Variants in SMC6 observed in about 807,000 individuals in gnomAD.
The protein encoded by SMC6 is structural maintenance of chromosomes 6.
SMC6 carries 79 observed loss-of-function variants against 142.2 expected under a neutral mutation model. The ratio of observed to expected loss-of-function variants is 0.56; its 90% CI spans 0.46 to 0.67. The LOEUF (loss-of-function observed/expected upper bound fraction) is 0.67. Ranked by LOEUF, SMC6 falls within the 30% of genes least tolerant of loss-of-function variation. SMC6 has a pLI of 0.00. For synonymous variants in SMC6, 411 were observed against 412.4 expected (o/e 1.00, Z 0.04); for missense variants, 1,072 against 1,284.0 (o/e 0.83, Z 2.52).
At chr2:17,737,636 G>C (rs1181923314) in intron 5 of SMC6, among the ~76,000 whole-genome samples, 3 of 152,202 alleles carry the variant, frequency 2.0e-5, no homozygotes, top group African/African-American at 7.2e-5. Context: ...TAAAGCCAAA[G>C]AGAGTAGTGA....
chr2:17,733,496 T>A (rs1192582058), intron 5 of SMC6, among the ~76,000 whole-genome samples: 4 of 152,250 alleles, frequency 2.6e-5, no homozygotes, highest in African/African-American at 9.6e-5. Flanking sequence ...GATAAATGCA[T>A]CTTAGTTACG....
intron 2 of SMC6, among the ~76,000 whole-genome samples, chr2:17,749,285 TCTTTA>T (rs1320408779): frequency 6.6e-6 from 1 of 152,178 alleles, no homozygotes; most frequent in Non-Finnish European, 1.5e-5. Context: ...TTTTAATATT[TCTTTA>T]CTTATTTATA....
intron 21 of SMC6, among the ~76,000 whole-genome samples, chr2:17,698,457 C>T (rs1668116167): frequency 6.6e-6 from 1 of 151,864 alleles, no homozygotes; most frequent in African/African-American, 2.4e-5. Flanking sequence ...GTGGACTGAA[C>T]CTTTTGTCAT....
At chr2:17,737,539 A>G (rs201997559) in intron 5 of SMC6, among the ~76,000 whole-genome samples, 279 of 152,314 alleles carry the variant, frequency 1.8e-3, no homozygotes, top group African/African-American at 6.3e-3. Flanking sequence ...GCTAGTGGAC[A>G]AAAAGCAGTG....
Position 17,666,530 on chromosome 2 carries a change from G to C in SMC6, c.3064-13C>G, listed in dbSNP as rs758983359. 5.6e-6 allele frequency: 9 copies of C among 1,597,840 alleles called. No individual in the cohort carries two copies. In the South Asian group the frequency reaches 1.0e-4, roughly 18 times the overall value. ...TATTAACCATATCCTGAAAAACAAA[G>C]GCAAAAGTTAGGATTGCTATTGTGT... is the stretch of plus-strand genomic sequence containing the variant. On this transcript the variant is annotated splice_polypyrimidine_tract_variant and intron_variant, in intron 26 of 27. Coordinates refer to ENST00000448223, the MANE Select transcript of SMC6 (RefSeq NM_001142286.2).
chr2:17,670,799 C>T (rs1172097474), intron 25 of SMC6, among the ~76,000 whole-genome samples: 3 of 152,070 alleles, frequency 2.0e-5, no homozygotes, highest in Non-Finnish European at 4.4e-5. Context: ...AACTGAAAAC[C>T]TTTTTCACCA....
Position 17,668,993 on chromosome 2 carries a change from G to C in SMC6, c.3063+1430C>G, listed in dbSNP as rs994852810. On this transcript the variant is annotated intron_variant, in intron 26 of 27. Transcript: ENST00000448223. ...CGAAGAAGGAGCCACATGCAAGCCT[G>C]GGAGTCCGGAGAAGAGGCTATCACC... is the stretch of plus-strand genomic sequence containing the variant. Among the ~76,000 whole-genome samples the C allele has an allele frequency of 7.9e-4, 121 of 152,276 alleles. 1 individual carries two copies. Among genetic ancestry groups the C allele is most frequent in the Non-Finnish European group, 1.3e-4 (9 of 68,026 alleles).
At position 17,718,090 on chromosome 2, in the gene SMC6, T is replaced by C. The variant is rs773207688; in HGVS notation, c.1079A>G (p.Tyr360Cys). The change falls in exon 12 of 28, where the codon TAT becomes TGT. Residue 360 changes from tyrosine (Y) to cysteine (C), a missense_variant. By Grantham distance (194) the Tyr-to-Cys change is radical. This residue lies in a region of SMC6 where 994 missense variants were observed against 1,153.2 expected (regional missense o/e 0.86). Transcript: ENST00000448223. ...AATTTATCTCACCTCAGCTTCATTA[T>C]AGGCCCTTTTCTTAGCAACAACATC... ...KADVVAKKRAYNEAEVLYNRS... is the reference protein window; with the variant it reads ...KADVVAKKRACNEAEVLYNRS... 1.8e-5 allele frequency: 29 copies of C among 1,607,806 alleles called. No individual in the cohort carries two copies. Among genetic ancestry groups the C allele is most frequent in the African/African-American group, 2.7e-5 (2 of 74,750 alleles).
intron 3 of SMC6, 28 bp downstream of exon 3, chr2:17,745,799 A>C: frequency 6.4e-7 from 1 of 1,567,462 alleles, no homozygotes; most frequent in Non-Finnish European, 8.6e-7. Flanking sequence ...ACATATCAAA[A>C]AGCATAATTT....
intron 25 of SMC6, among the ~76,000 whole-genome samples, chr2:17,671,608 CAAAAAAAAAAAAA>C (rs373510441): frequency 9.6e-5 from 8 of 83,354 alleles, no homozygotes; most frequent in East Asian, 7.8e-4. Context: ...GACCCCGTCT[CAAAAAAAAAAAAA>C]AAAAAAAAAA....
At chr2:17,674,243 G>A (rs1197048143) in intron 25 of SMC6, among the ~76,000 whole-genome samples, 2 of 151,940 alleles carry the variant, frequency 1.3e-5, no homozygotes, top group Non-Finnish European at 2.9e-5. Context: ...TACAAGTTTT[G>A]ATGTTTTCTT....
At chr2:17,695,118 A>C in intron 23 of SMC6, 34 bp downstream of exon 23, 1 of 1,607,142 alleles carries the variant, frequency 6.2e-7, no homozygotes, top group Non-Finnish European at 8.5e-7. Flanking sequence ...TGCATGAATA[A>C]TGTGGTAAAG....
chr2:17,735,137 T>C (rs1251115449), intron 5 of SMC6, among the ~76,000 whole-genome samples: 1 of 152,126 alleles, frequency 6.6e-6, no homozygotes, highest in African/African-American at 2.4e-5. Flanking sequence ...AAACCACTTC[T>C]GCAGGAAGAC....
intron 16 of SMC6, among the ~76,000 whole-genome samples, chr2:17,710,737 G>A (rs550028728): frequency 3.9e-5 from 6 of 152,294 alleles, no homozygotes; most frequent in South Asian, 4.2e-4. Context: ...TGAGTTAAGC[G>A]AAGTGAGGCT....
intron 5 of SMC6, among the ~76,000 whole-genome samples, chr2:17,735,368 G>A (rs987201617): frequency 6.6e-6 from 1 of 152,158 alleles, no homozygotes; most frequent in African/African-American, 2.4e-5. Flanking sequence ...GGAAGTAACT[G>A]GCAGCAGTGC....
At chr2:17,685,103 C>G (rs1226079168) in intron 23 of SMC6, among the ~76,000 whole-genome samples, 2 of 138,088 alleles carry the variant, frequency 1.4e-5, no homozygotes, top group Non-Finnish European at 3.1e-5. Context: ...AAATAAAGAA[C>G]ATAAATGAGA....
At chr2:17,723,671 G>A (rs1669481200) in intron 9 of SMC6, among the ~76,000 whole-genome samples, 1 of 152,094 alleles carries the variant, frequency 6.6e-6, no homozygotes, top group African/African-American at 2.4e-5. Flanking sequence ...ATCTCTTTTA[G>A]TAGTCCTCAC....
intron 2 of SMC6, chr2:17,746,166 G>C (rs533392074): frequency 3.8e-5 from 17 of 441,852 alleles, no homozygotes; most frequent in Non-Finnish European, 5.4e-5. Context: ...TTTTCCCCTA[G>C]AGGCCCTAAA....
intron 3 of SMC6, among the ~76,000 whole-genome samples, chr2:17,743,903 T>G (rs1178486321): frequency 6.6e-6 from 1 of 152,204 alleles, no homozygotes; most frequent in Non-Finnish European, 1.5e-5. Flanking sequence ...TTCCTCTATG[T>G]CTTTTCATGG....
Sources: allele counts gnomAD v4.1 joint callset (sites outside exome capture counted in the v4.1 genomes callset), GRCh38; gene constraint gnomAD v4.1.1; regional missense constraint gnomAD v4.1.1; transcripts MANE v1.5; gene names NCBI Gene and HGNC (gene_info 2026-07-23, HGNC 2026-07-21).